RELN: variants seen among roughly 807,000 people sequenced by gnomAD.
RELN encodes reelin.
Under a neutral mutation model 427.6 loss-of-function variants are expected in RELN, and 108 were observed. That is an observed-to-expected ratio of 0.25 (90% CI 0.22 to 0.30). RELN has a LOEUF of 0.30. Ranked by LOEUF, RELN falls within the 10% of genes least tolerant of loss-of-function variation. The probability of loss-of-function intolerance (pLI) is 1.00; values close to 1 mark genes in which losing one functional copy is unlikely to be tolerated. For missense variants in RELN, 3,715 were observed against 4,302.8 expected (o/e 0.86, Z 3.82); for synonymous variants, 1,524 against 1,513.4 (o/e 1.01, Z -0.16).
intron 2 of RELN, among the ~76,000 whole-genome samples, chr7:103,871,235 T>C (rs767328799): frequency 4.3e-5 from 6 of 141,018 alleles, no homozygotes; most frequent in Non-Finnish European, 9.2e-5. Context: ...TTTCTATTTA[T>C]TTTTTATTCT....
chr7:103,549,839 T>C (rs362779), intron 41 of RELN, among the ~76,000 whole-genome samples: 8,625 of 152,256 alleles, frequency 0.057, 289 homozygotes, highest in South Asian at 0.14. Flanking sequence ...AATACAACCA[T>C]TTCGAATAAA....
Position 103,490,778 on chromosome 7 carries a change from G to A in RELN, c.9495C>T (p.Asn3165=). 2 of 1,614,208 alleles carry A rather than the reference G, an allele frequency of 1.2e-6. No homozygotes were observed. Among genetic ancestry groups the A allele is most frequent in the Non-Finnish European group, 1.7e-6 (2 of 1,180,040 alleles). ...ACTGGAAAGGGGAGCAGCCAATGCT[G>A]TTAGAAGAGGAAGGAAGGCACTGGG... ...VQTQCLPSSS[N]SIGCSPFQFH... Residue 3165 remains asparagine (N), a synonymous_variant, in exon 59 of 65, where the codon AAC becomes AAT. Transcript: ENST00000428762.
At chr7:103,747,954 C>T (rs17155341) in intron 6 of RELN, among the ~76,000 whole-genome samples, 11,254 of 151,946 alleles carry the variant, frequency 0.074, 534 homozygotes, top group East Asian at 0.19. Flanking sequence ...ACAGAATTTG[C>T]ACCACCGAAC....
chr7:103,744,441 C>T (rs1307786504), intron 6 of RELN, among the ~76,000 whole-genome samples: 8 of 151,812 alleles, frequency 5.3e-5, no homozygotes, highest in Non-Finnish European at 1.0e-4. Context: ...AATGGAGACA[C>T]AAAAAAACCC....
intron 48 of RELN, among the ~76,000 whole-genome samples, chr7:103,521,083 T>G (rs1208135080): frequency 1.4e-5 from 2 of 146,240 alleles, no homozygotes; most frequent in Non-Finnish European, 1.5e-5. Flanking sequence ...TTCACGCCAT[T>G]CTCCTGCCTC....
At chr7:103,782,818 C>T (rs1195152367) in intron 3 of RELN, among the ~76,000 whole-genome samples, 1 of 152,172 alleles carries the variant, frequency 6.6e-6, no homozygotes, top group African/African-American at 2.4e-5. Context: ...CCTAAAGAAT[C>T]ATACCAGCTG....
intron 1 of RELN, among the ~76,000 whole-genome samples, chr7:103,978,343 C>T (rs1584416694): frequency 3.3e-5 from 5 of 152,280 alleles, no homozygotes; most frequent in Admixed American, 2.6e-4. Flanking sequence ...TTCCCTGGCT[C>T]ATTTCGCTTA....
At chr7:103,538,238 A>T (rs362743) in intron 45 of RELN, among the ~76,000 whole-genome samples, 90,344 of 151,934 alleles carry the variant, frequency 0.59, 27,490 homozygotes, top group Middle Eastern at 0.73. Context: ...AAAATAACCA[A>T]ATTCCTCAAA....
At chr7:103,506,509 C>T (rs1300893374) in intron 51 of RELN, among the ~76,000 whole-genome samples, 1 of 152,178 alleles carries the variant, frequency 6.6e-6, no homozygotes, top group Non-Finnish European at 1.5e-5. Flanking sequence ...CAAGCAAATG[C>T]TGAGAGATTT....
intron 2 of RELN, among the ~76,000 whole-genome samples, chr7:103,870,800 C>CT (rs1268363808): frequency 6.6e-6 from 1 of 152,118 alleles, no homozygotes; most frequent in African/African-American, 2.4e-5. Flanking sequence ...ATGTGTGCAG[C>CT]TGAGCCCTGA....
At chr7:103,917,265 A>C in intron 1 of RELN, 80 bp from the exon 2 acceptor site, 1 of 1,110,982 alleles carries the variant, frequency 9.0e-7, no homozygotes, top group Non-Finnish European at 1.4e-6. Flanking sequence ...AGACATTGTC[A>C]AAACAATCTT....
At chr7:103,579,065 A>T (rs776068015) in intron 28 of RELN, among the ~76,000 whole-genome samples, 25 of 152,222 alleles carry the variant, frequency 1.6e-4, no homozygotes, top group Non-Finnish European at 2.9e-4. Context: ...AACGCTAGTA[A>T]TACCATGAGG....
intron 64 of RELN, among the ~76,000 whole-genome samples, chr7:103,477,312 T>A (rs1314966860): frequency 6.6e-6 from 1 of 152,236 alleles, no homozygotes; most frequent in African/African-American, 2.4e-5. Context: ...TTCAATTGAT[T>A]TTTTAATGGA....
At chr7:103,848,432 C>T (rs1176413563) in intron 2 of RELN, among the ~76,000 whole-genome samples, 6 of 152,130 alleles carry the variant, frequency 3.9e-5, no homozygotes, top group Admixed American at 6.5e-5. Flanking sequence ...TTGGGTGTTG[C>T]CCAGCAAAGA....
At chr7:103,948,079 G>A (rs536547722) in intron 1 of RELN, among the ~76,000 whole-genome samples, 1 of 152,162 alleles carries the variant, frequency 6.6e-6, no homozygotes, top group South Asian at 2.1e-4. Flanking sequence ...ATACACAAAG[G>A]CATAAACAAG....
rs770660115 is a variant in RELN, at chr7:103,749,399, A to G, written c.656+27T>C. On this transcript the variant is annotated intron_variant, in intron 6 of 64. Transcript: ENST00000428762. ...CATCATTTGTTACATTAAGCAAACC[A>G]AAGTGAGGAATGTTCCTGTAACTTA... The G allele has an allele frequency of 3.2e-6, 5 of 1,579,944 alleles. No homozygotes were observed. The Admixed American group carries it at 5.0e-5, about 16-fold the overall frequency.
At position 103,890,683 on chromosome 7, in the gene RELN, C is replaced by T. The variant is rs539281404; in HGVS notation, c.337+26392G>A. Among the ~76,000 whole-genome samples, 28 of 152,258 alleles carry T rather than the reference C, an allele frequency of 1.8e-4. 1 individual carries two copies. In the South Asian group the frequency reaches 5.8e-3, roughly 32 times the overall value. ...TAAGGGGGACACCAGGGCCTTACAG[C>T]ATTTAAGCAATCAAGCCTCCTATAT... On this transcript the variant is annotated intron_variant, in intron 2 of 64. Transcript: ENST00000428762.
chr7:103,795,275 A>G (rs535120094), intron 3 of RELN, among the ~76,000 whole-genome samples: 1 of 151,566 alleles, frequency 6.6e-6, no homozygotes, highest in Admixed American at 6.5e-5. Context: ...TTGGCTTTAG[A>G]AAGTTGTCTT....
chr7:103,675,833 A>G (rs552716779), intron 11 of RELN, among the ~76,000 whole-genome samples: 53 of 152,354 alleles, frequency 3.5e-4, no homozygotes, highest in African/African-American at 1.1e-3. Context: ...CTGGCTAGCC[A>G]TATGTAGAAA....
Sources: gnomAD v4.1 joint callset for allele counts (sites outside exome capture counted in the v4.1 genomes callset) on GRCh38, gnomAD v4.1.1 for gene constraint, MANE v1.5 for transcripts, NCBI Gene and HGNC (gene_info 2026-07-23, HGNC 2026-07-21) for gene names.